The following RIMS2 variants were observed in gnomAD, a reference collection of about 807,000 sequenced individuals.
The protein encoded by RIMS2 is regulating synaptic membrane exocytosis 2.
A neutral mutation model predicts 174.4 loss-of-function variants in RIMS2; 59 were observed. The observed-to-expected ratio is 0.34, with a 90% CI of 0.27 to 0.42. The LOEUF is 0.42. RIMS2 is among the 10% of genes least tolerant of loss of function. The pLI is 1.00. For missense variants in RIMS2, 1,620 were observed against 1,666.3 expected, an observed-to-expected ratio of 0.97 and a Z score of 0.48; for synonymous variants, 606 against 572.5, an observed-to-expected ratio of 1.06 and a Z score of -0.84.
chr8:103,984,034 C>T (rs1488610511), intron 16 of RIMS2, among the ~76,000 whole-genome samples: 1 of 151,992 alleles, frequency 6.6e-6, no homozygotes, highest in African/African-American at 2.4e-5. Context: ...AAATAGCAGG[C>T]GTGGTGGCGG....
At chr8:104,251,523 T>C in intron 23 of RIMS2, 79 bp from the exon 30 acceptor site, 1 of 791,984 alleles carries the variant, frequency 1.3e-6, no homozygotes, top group Non-Finnish European at 2.2e-6. Flanking sequence ...GAATGTACTT[T>C]AGTATTTTAA....
At chr8:103,661,314 A>G (rs565489100) in intron 1 of RIMS2, among the ~76,000 whole-genome samples, 18 of 152,278 alleles carry the variant, frequency 1.2e-4, no homozygotes, top group Admixed American at 7.2e-4. Context: ...ATTTTTGCCT[A>G]TTATGAATAG....
intron 2 of RIMS2, among the ~76,000 whole-genome samples, chr8:103,751,273 A>T (rs1462914419): frequency 6.6e-6 from 1 of 152,118 alleles, no homozygotes; most frequent in Non-Finnish European, 1.5e-5. Context: ...AAAGGACATG[A>T]ACTCATCCTT....
intron 6 of RIMS2, among the ~76,000 whole-genome samples, chr8:103,913,977 T>C (rs1273765168): frequency 3.9e-5 from 6 of 152,220 alleles, no homozygotes; most frequent in Non-Finnish European, 8.8e-5. Flanking sequence ...GTGGCATCCA[T>C]GTGCTTGCAC....
chr8:104,202,363 A>G (rs1450415430), intron 19 of RIMS2, among the ~76,000 whole-genome samples: 1 of 152,232 alleles, frequency 6.6e-6, no homozygotes, highest in African/African-American at 2.4e-5. Flanking sequence ...AAAATCTTAG[A>G]ATAGATCTAA....
intron 1 of RIMS2, among the ~76,000 whole-genome samples, chr8:103,621,487 C>G (rs1314405090): frequency 6.6e-6 from 1 of 152,240 alleles, no homozygotes; most frequent in Admixed American, 6.5e-5. Context: ...AGGCTATGAC[C>G]TAATGCTTGC....
At chr8:103,758,089 G>T (rs776738928) in intron 2 of RIMS2, among the ~76,000 whole-genome samples, 1 of 152,038 alleles carries the variant, frequency 6.6e-6, no homozygotes, top group Non-Finnish European at 1.5e-5. Flanking sequence ...TCCCCCTTCT[G>T]TAATATTTTT....
intron 16 of RIMS2, among the ~76,000 whole-genome samples, chr8:103,980,250 CA>C (rs1458232551): frequency 6.6e-6 from 1 of 152,150 alleles, no homozygotes; most frequent in Non-Finnish European, 1.5e-5. Flanking sequence ...AGCTCAGCCA[CA>C]GTAGGAGAGA....
At chr8:103,841,970 A>AAAAAAAAG (rs1371197390) in intron 3 of RIMS2, among the ~76,000 whole-genome samples, 2 of 151,464 alleles carry the variant, frequency 1.3e-5, no homozygotes, top group East Asian at 3.9e-4. Context: ...GAAAAAAGAA[A>AAAAAAAAG]AAAAAAAGAA....
In RIMS2 at chr8:103,847,609, G is replaced by A. The variant is rs537037188; in HGVS notation, c.699-37689G>A. Among the ~76,000 whole-genome samples, 6 of 152,168 alleles carry A rather than the reference G, an allele frequency of 3.9e-5. 1 individual carries two copies. Among genetic ancestry groups the A allele is most frequent in the African/African-American group, 1.4e-4 (6 of 41,536 alleles). Reference sequence around the variant, plus strand: ...TTGCTGAGGTGCTTTGGGCAGGAAAGGCAAACTCATACTTGGAATGCCTCT... The same window carrying A: ...TTGCTGAGGTGCTTTGGGCAGGAAAAGCAAACTCATACTTGGAATGCCTCT... On this transcript the variant is annotated intron_variant, in intron 3 of 23. Transcript: ENST00000504942.
chr8:104,011,387 A>C (rs182051879), intron 17 of RIMS2, among the ~76,000 whole-genome samples: 1 of 152,214 alleles, frequency 6.6e-6, no homozygotes, highest in Admixed American at 6.6e-5. Context: ...TTTACGGAGA[A>C]AAATATATAA....
chr8:103,642,512 T>C (rs2096250890), intron 1 of RIMS2, among the ~76,000 whole-genome samples: 1 of 152,118 alleles, frequency 6.6e-6, no homozygotes, highest in Non-Finnish European at 1.5e-5. Flanking sequence ...CTAATGCTAT[T>C]CCTTTTATTA....
At chr8:104,201,809 T>C (rs1210819313) in intron 19 of RIMS2, among the ~76,000 whole-genome samples, 1 of 152,192 alleles carries the variant, frequency 6.6e-6, no homozygotes, top group Non-Finnish European at 1.5e-5. Context: ...TTTGTAATGA[T>C]TTAGGATGCT....
At chr8:103,792,874 T>A (rs1348535389) in intron 3 of RIMS2, among the ~76,000 whole-genome samples, 1 of 152,026 alleles carries the variant, frequency 6.6e-6, no homozygotes, top group Non-Finnish European at 1.5e-5. Context: ...TTCCGAAGAC[T>A]AAACCAGGAA....
intron 19 of RIMS2, among the ~76,000 whole-genome samples, chr8:104,193,896 A>G (rs1483409092): frequency 6.6e-6 from 1 of 152,082 alleles, no homozygotes; most frequent in African/African-American, 2.4e-5. Flanking sequence ...TTGAATCGAG[A>G]CATTATAAAA....
intron 1 of RIMS2, among the ~76,000 whole-genome samples, chr8:103,695,200 C>T (rs2097084713): frequency 6.6e-6 from 1 of 152,140 alleles, no homozygotes; most frequent in Non-Finnish European, 1.5e-5. Flanking sequence ...TTTTTTGCTA[C>T]ACTTAGTTGC....
intron 19 of RIMS2, among the ~76,000 whole-genome samples, chr8:104,107,509 A>G (rs944663230): frequency 6.6e-6 from 1 of 152,230 alleles, no homozygotes; most frequent in Non-Finnish European, 1.5e-5. Flanking sequence ...AAAACTTTGT[A>G]TATGAATAAA....
intron 2 of RIMS2, among the ~76,000 whole-genome samples, chr8:103,736,308 T>C (rs186913709): frequency 6.6e-6 from 1 of 152,302 alleles, no homozygotes; most frequent in African/African-American, 2.4e-5. Flanking sequence ...CAATGTATAA[T>C]AGAAGTTTTT....
chr8:103,843,556 T>A (rs2098952501), intron 3 of RIMS2, among the ~76,000 whole-genome samples: 2 of 152,362 alleles, frequency 1.3e-5, no homozygotes, highest in South Asian at 4.1e-4. Context: ...ATATTCCTCT[T>A]ATCCCTAGGC....
Sources: gnomAD v4.1 joint callset for allele counts (sites outside exome capture counted in the v4.1 genomes callset) on GRCh38, gnomAD v4.1.1 for gene constraint, MANE v1.5 for transcripts, NCBI Gene and HGNC (gene_info 2026-07-23, HGNC 2026-07-21) for gene names.